AGMO: variants seen among roughly 807,000 people sequenced by gnomAD.
AGMO encodes alkylglycerol monooxygenase.
In AGMO, 75 loss-of-function variants were observed where a neutral mutation model predicts 60.2. The observed-to-expected ratio is 1.25, with a 90% confidence interval of 1.03 to 1.51. AGMO has a LOEUF of 1.51. Ranked by LOEUF, AGMO falls within the 40% of genes most tolerant of loss-of-function variation. AGMO has a pLI of 0.00. For synonymous variants in AGMO, 261 were observed against 177.1 expected (o/e 1.47, Z -3.76); for missense variants, 763 against 525.5 (o/e 1.45, Z -4.42).
At chr7:15,196,993 G>A (rs1781133819), downstream of AGMO, among the ~76,000 whole-genome samples, 1 of 151,984 alleles carries the variant, frequency 6.6e-6, no homozygotes, top group Non-Finnish European at 1.5e-5. Flanking sequence ...AAGAACGGAT[G>A]GCAGAACTGG....
chr7:15,374,068 G>T (rs1038417912), intron 10 of AGMO, among the ~76,000 whole-genome samples: 1 of 152,154 alleles, frequency 6.6e-6, no homozygotes, highest in African/African-American at 2.4e-5. Flanking sequence ...TTGTTATGCT[G>T]AATCCGAAGG....
chr7:15,168,344 T>A, the AGMO span, among the ~76,000 whole-genome samples: 2 of 152,142 alleles, frequency 1.3e-5, no homozygotes, highest in African/African-American at 2.4e-5. Flanking sequence ...AATAAATAAA[T>A]AAAAAGGGCG....
intron 12 of AGMO, among the ~76,000 whole-genome samples, chr7:15,266,085 A>C (rs1783422966): frequency 6.6e-6 from 1 of 152,122 alleles, no homozygotes; most frequent in Non-Finnish European, 1.5e-5. Context: ...AGTAGTCAAA[A>C]TCATTGAGAC....
intron 3 of AGMO, among the ~76,000 whole-genome samples, chr7:15,457,463 A>C (rs1324139081): frequency 6.6e-6 from 1 of 152,182 alleles, no homozygotes; most frequent in Non-Finnish European, 1.5e-5. Flanking sequence ...ACATTCTTAG[A>C]AACCCTACTG....
intron 3 of AGMO, among the ~76,000 whole-genome samples, chr7:15,460,305 T>C (rs1034230001): frequency 3.3e-5 from 5 of 151,988 alleles, no homozygotes; most frequent in African/African-American, 9.7e-5. Flanking sequence ...GCCAGGCTGG[T>C]CTCAAACTCC....
Position 15,534,977 on chromosome 7 carries a change from G to C in AGMO, c.409+9795C>G, listed in dbSNP as rs553805349. ...TCATAACTTTTTTACTTATGTATCA[G>C]ACTGCACCTTAAGTGTTTTGTCCAT... On this transcript the variant is annotated intron_variant, in intron 3 of 12. Transcript: ENST00000342526. Among the ~76,000 whole-genome samples, 6 of 151,922 alleles carry C rather than the reference G, an allele frequency of 3.9e-5. 1 individual carries two copies. In the South Asian group the frequency reaches 1.2e-3, roughly 32 times the overall value.
At chr7:15,344,776 G>A (rs80321844) in intron 12 of AGMO, among the ~76,000 whole-genome samples, 2,103 of 152,264 alleles carry the variant, frequency 0.014, 55 homozygotes, top group African/African-American at 0.048. Flanking sequence ...TTAGAAATAT[G>A]GTAGATGCAC....
chr7:15,342,493 C>G (rs1418598800), intron 12 of AGMO, among the ~76,000 whole-genome samples: 1 of 151,828 alleles, frequency 6.6e-6, no homozygotes, highest in Non-Finnish European at 1.5e-5. Context: ...CTTTTCCCTC[C>G]CATTAGTCAA....
chr7:15,421,775 C>A (rs1383055279), intron 4 of AGMO, among the ~76,000 whole-genome samples: 1 of 152,118 alleles, frequency 6.6e-6, no homozygotes, highest in South Asian at 2.1e-4. Context: ...GCTGGAATTA[C>A]ATCTCAGGGA....
intron 12 of AGMO, among the ~76,000 whole-genome samples, chr7:15,243,325 T>C (rs1782647279): frequency 6.6e-6 from 1 of 152,112 alleles, no homozygotes; most frequent in African/African-American, 2.4e-5. Flanking sequence ...TCTGTATCTG[T>C]AGACCCAAAA....
chr7:15,457,912 A>C (rs1477636832), intron 3 of AGMO, among the ~76,000 whole-genome samples: 1 of 152,200 alleles, frequency 6.6e-6, no homozygotes, highest in African/African-American at 2.4e-5. Flanking sequence ...AGTGATGCTT[A>C]AAATTGACAT....
chr7:15,369,202 G>A (rs1783103545), intron 10 of AGMO, among the ~76,000 whole-genome samples: 1 of 151,952 alleles, frequency 6.6e-6, no homozygotes, highest in Non-Finnish European at 1.5e-5. Context: ...CCCAACAATT[G>A]TTGAAATACT....
At chr7:15,199,276 G>A (rs908336249), downstream of AGMO, among the ~76,000 whole-genome samples, 1 of 152,086 alleles carries the variant, frequency 6.6e-6, no homozygotes, top group Non-Finnish European at 1.5e-5. Flanking sequence ...ATTTCTAATA[G>A]AAAACCATTC....
chr7:15,535,577 T>C (rs978170775), intron 3 of AGMO, among the ~76,000 whole-genome samples: 2 of 151,976 alleles, frequency 1.3e-5, no homozygotes, highest in Non-Finnish European at 2.9e-5. Flanking sequence ...TTACATAGGA[T>C]ACATTTTATA....
chr7:15,508,554 G>T (rs1562542763), intron 3 of AGMO, among the ~76,000 whole-genome samples: 1 of 152,084 alleles, frequency 6.6e-6, no homozygotes, highest in Non-Finnish European at 1.5e-5. Context: ...ACTAAAAAGT[G>T]TATAAAGAGA....
chr7:15,553,359 G>T (rs949062582), intron 2 of AGMO, among the ~76,000 whole-genome samples: 5 of 150,988 alleles, frequency 3.3e-5, no homozygotes, highest in African/African-American at 1.2e-4. Flanking sequence ...AAATAAAATA[G>T]AAAAAAAAGA....
intron 12 of AGMO, among the ~76,000 whole-genome samples, chr7:15,253,870 T>A (rs1485840822): frequency 6.6e-6 from 1 of 152,108 alleles, no homozygotes; most frequent in Non-Finnish European, 1.5e-5. Flanking sequence ...TTCTCCCAAT[T>A]CTCTGGTAAC....
At chr7:15,217,349 A>ATC (rs556876789) in intron 12 of AGMO, among the ~76,000 whole-genome samples, 24 of 143,752 alleles carry the variant, frequency 1.7e-4, no homozygotes, top group South Asian at 7.2e-4. Flanking sequence ...CACATACATA[A>ATC]TCTCTCTCTC....
the AGMO span, among the ~76,000 whole-genome samples, chr7:15,155,444 T>C: frequency 3.9e-4 from 55 of 142,714 alleles, no homozygotes; most frequent in African/African-American, 1.4e-3. Context: ...TTTTTTTTTT[T>C]TTTTTGCATT....
Sources: gnomAD v4.1 joint callset for allele counts (sites outside exome capture counted in the v4.1 genomes callset) on GRCh38, gnomAD v4.1.1 for gene constraint, MANE v1.5 for transcripts, NCBI Gene and HGNC (gene_info 2026-07-23, HGNC 2026-07-21) for gene names.